The following MSL2 variants were observed in gnomAD, a reference collection of about 807,000 sequenced individuals.
MSL2 encodes the protein MSL complex subunit 2.
MSL2 carries 2 observed loss-of-function variants against 35.8 expected under a neutral mutation model. That is an observed-to-expected ratio of 0.06 (90% CI 0.02 to 0.18). MSL2 has a LOEUF of 0.18. Ranked by LOEUF, MSL2 falls within the 10% of genes least tolerant of loss-of-function variation. The pLI is 1.00. For missense variants in MSL2, 523 were observed against 706.7 expected (o/e 0.74, Z 2.95); for synonymous variants, 296 against 255.7 (o/e 1.16, Z -1.50).
chr3:136,160,776 A>G (rs1270578453), intron 1 of MSL2, among the ~76,000 whole-genome samples: 3 of 152,096 alleles, frequency 2.0e-5, no homozygotes, highest in Admixed American at 2.0e-4. Context: ...ATCTGAATAA[A>G]CATTTCACCA....
chr3:136,177,512 A>C (rs1452494288), intron 1 of MSL2, among the ~76,000 whole-genome samples: 2 of 151,754 alleles, frequency 1.3e-5, no homozygotes, highest in African/African-American at 2.4e-5. Flanking sequence ...ATCTCAACTA[A>C]AAATACAAAA....
rs1181516080 is a variant in MSL2, at chr3:136,195,612, G to A, written c.-499C>T. 9.2e-6 allele frequency: 9 copies of A among 980,600 alleles called. No individual in the cohort carries two copies. Among genetic ancestry groups the A allele is most frequent in the Non-Finnish European group, 1.1e-5 (9 of 825,342 alleles). 60.7% of individuals were successfully genotyped at this position (980,600 alleles called of 1,614,324 possible). A position where few individuals can be genotyped will look rare whatever the true frequency, so the allele number is the denominator to read the frequency against. Reference sequence around the variant, plus strand: ...CCCAGTACAGGGCGCGGAGGCGGCGGCGACGGCAAGGACGACGGTCGGGCA... The same window carrying A: ...CCCAGTACAGGGCGCGGAGGCGGCGACGACGGCAAGGACGACGGTCGGGCA... On this transcript the variant is annotated 5_prime_UTR_variant, in exon 1 of 2. Transcript: ENST00000309993.
At chr3:136,153,883 G>A (rs1278018729) in intron 1 of MSL2, among the ~76,000 whole-genome samples, 1 of 151,868 alleles carries the variant, frequency 6.6e-6, no homozygotes, top group Non-Finnish European at 1.5e-5. Context: ...AGGACTTTGA[G>A]ACTAGCCTGG....
chr3:136,158,319 T>TAA (rs75588256), intron 1 of MSL2, among the ~76,000 whole-genome samples: 37 of 123,014 alleles, frequency 3.0e-4, no homozygotes, highest in African/African-American at 1.0e-3. Context: ...AAATTAAAAT[T>TAA]AAAAAAAAAA....
chr3:136,156,038 C>T (rs1296383375), intron 1 of MSL2: 1 of 272,834 alleles, frequency 3.7e-6, no homozygotes, highest in African/African-American at 2.2e-5. Flanking sequence ...TCTTACCTCT[C>T]TGCCCTGCCC....
chr3:136,189,914 G>C (rs929063223), intron 1 of MSL2, among the ~76,000 whole-genome samples: 1 of 151,892 alleles, frequency 6.6e-6, no homozygotes, highest in African/African-American at 2.4e-5. Flanking sequence ...ATGTTAATTG[G>C]TAAGTTTTCT....
Position 136,188,051 on chromosome 3 carries a change from G to T in MSL2, c.142+6921C>A, listed in dbSNP as rs1007929775. 1.2e-4 allele frequency among the ~76,000 whole-genome samples: 19 copies of T among 152,226 alleles called. No homozygotes were observed. In the South Asian group the frequency reaches 3.3e-3, roughly 27 times the overall value. Reference sequence around the variant, plus strand: ...CCCTGAATAACCACTATAGGGCAAGGGCTCTCCTACAAGAGCTCTTCATTC... The same window carrying T: ...CCCTGAATAACCACTATAGGGCAAGTGCTCTCCTACAAGAGCTCTTCATTC... On this transcript the variant is annotated intron_variant, in intron 1 of 1. Coordinates refer to ENST00000309993, the MANE Select transcript of MSL2 (RefSeq NM_018133.4).
intron 1 of MSL2, among the ~76,000 whole-genome samples, chr3:136,189,543 T>A (rs186989904): frequency 1.3e-4 from 20 of 149,312 alleles, no homozygotes; most frequent in Non-Finnish European, 2.5e-4. Flanking sequence ...GCTAACACAG[T>A]GAAACCCCTT....
At chr3:136,191,401 G>A (rs963427511) in intron 1 of MSL2, among the ~76,000 whole-genome samples, 1 of 150,500 alleles carries the variant, frequency 6.6e-6, no homozygotes, top group African/African-American at 2.4e-5. Flanking sequence ...CCAGGAGGTA[G>A]AGGTTGCAGT....
At chr3:136,158,068 T>G (rs1304470530) in intron 1 of MSL2, among the ~76,000 whole-genome samples, 1 of 152,046 alleles carries the variant, frequency 6.6e-6, no homozygotes, top group Non-Finnish European at 1.5e-5. Context: ...TCCCAACACT[T>G]TGGGAGGCCA....
rs202110886 is a variant in MSL2 at position 136,151,426 on chromosome 3, A to C, written c.1455T>G (p.Ser485=). The C allele has an allele frequency of 3.7e-4, 592 of 1,614,086 alleles. No individual in the cohort carries two copies. The highest frequency in any genetic ancestry group is 1.2e-3 in the Middle Eastern group (7 of 6,084). ...TACAATCTAAGCAGGCTTTGCGGTTAGAGTAGCAAGGGCAGCGTTGGCCTC... is the reference window on the plus strand; with the variant it reads ...TACAATCTAAGCAGGCTTTGCGGTTCGAGTAGCAAGGGCAGCGTTGGCCTC... ...TCRGQRCPCY[S]NRKACLDCIC... Residue 485 remains serine, a synonymous_variant, in exon 2 of 2, where the codon TCT becomes TCG. Coordinates refer to ENST00000309993, the MANE Select transcript of MSL2 (RefSeq NM_018133.4). This position sits in a 1 kb window ranked among gnomAD's most constrained non-coding sequence, Gnocchi z 5.2.
intron 1 of MSL2, among the ~76,000 whole-genome samples, chr3:136,175,339 G>A (rs897820906): frequency 5.9e-5 from 8 of 136,430 alleles, no homozygotes; most frequent in African/African-American, 1.7e-4. Context: ...GCAAGACTCC[G>A]TCTCAAAAAA....
chr3:136,173,217 A>G (rs1940078222), intron 1 of MSL2, among the ~76,000 whole-genome samples: 1 of 152,146 alleles, frequency 6.6e-6, no homozygotes, highest in Admixed American at 6.5e-5. Context: ...TTCTAGAGTG[A>G]TTGCCCATAA....
intron 1 of MSL2, among the ~76,000 whole-genome samples, chr3:136,182,265 T>C (rs1350545705): frequency 3.9e-5 from 6 of 152,186 alleles, no homozygotes; most frequent in Non-Finnish European, 7.3e-5. Context: ...TTAGACGAAA[T>C]TTAAATTGTC....
Position 136,183,504 on chromosome 3 carries a change from C to T in MSL2, c.142+11468G>A, listed in dbSNP as rs192742908. 3.5e-3 allele frequency among the ~76,000 whole-genome samples: 533 copies of T among 152,276 alleles called. 7 individuals are homozygous for T. The East Asian group carries it at 0.047, about 14-fold the overall frequency. ...GTGGCACGACCTCGATCACTGCAAC[C>T]TCTGCCTCCTGGGCTCAAGCAATCC... On this transcript the variant is annotated intron_variant, in intron 1 of 1. Transcript: ENST00000309993.
At chr3:136,194,887 C>G in intron 1 of MSL2, 85 bp downstream of exon 1, 1 of 1,579,442 alleles carries the variant, frequency 6.3e-7, no homozygotes, top group Non-Finnish European at 8.6e-7. Context: ...TACCAACCAC[C>G]AGGCCGTCAA....
At chr3:136,185,686 A>T (rs1940501074) in intron 1 of MSL2, among the ~76,000 whole-genome samples, 1 of 151,926 alleles carries the variant, frequency 6.6e-6, no homozygotes, top group Non-Finnish European at 1.5e-5. Context: ...TTGTATTTTT[A>T]GTAGAGACAG....
rs554018170 is a variant in MSL2, at chr3:136,195,008, G to A, written c.106C>T (p.Pro36Ser). The A allele has an allele frequency of 6.2e-7, 1 of 1,613,936 alleles. No homozygotes were observed. Among genetic ancestry groups the A allele is most frequent in the South Asian group, 1.1e-5 (1 of 91,062 alleles). Residue 36 changes from proline (P) to serine (S), a missense_variant, in exon 1 of 2, where the codon CCT becomes TCT. By Grantham distance (74) the Pro-to-Ser change is moderately conservative (BLOSUM62 -1). Coordinates refer to ENST00000309993, the MANE Select transcript of MSL2 (RefSeq NM_018133.4). ...CACGAAAGGGACTGTCGGAAGTAAG[G>A]CAAGAGCCTGTTAATCTCAGTAAAC... ...KAFTEINRLL[P>S]YFRQSLSCCV... is the part of the protein sequence containing the mutation.
rs771623845 is a variant in MSL2 at position 136,151,745 on chromosome 3, T to G, written c.1136A>C (p.Lys379Thr). 1 of 1,614,182 alleles carries G rather than the reference T, an allele frequency of 6.2e-7. No individual in the cohort carries two copies. Among genetic ancestry groups the G allele is most frequent in the Non-Finnish European group, 8.5e-7 (1 of 1,180,032 alleles). ...AGTTGCTATAGGTTGAAGAGAAATTTTGCTCTCCCGTTTCACTGTCACAGG... is the reference window on the plus strand; with the variant it reads ...AGTTGCTATAGGTTGAAGAGAAATTGTGCTCTCCCGTTTCACTGTCACAGG... ...SAPVTVKRESKISLQPIATVP... is the reference protein window; with the variant it reads ...SAPVTVKRESTISLQPIATVP... The change falls in exon 2 of 2, where the codon AAA becomes ACA. Residue 379 changes from lysine (K) to threonine (T), a missense_variant. By Grantham distance (78) the Lys-to-Thr change is moderately conservative. Around this residue, in one of 5 missense-constraint regions of MSL2, gnomAD observed 361 missense variants for 414.6 expected, o/e 0.87. Transcript: ENST00000309993. The surrounding 1 kb of genome is among the most constrained non-coding windows in gnomAD (Gnocchi z 5.2).
Sources: gnomAD v4.1 joint callset for allele counts (sites outside exome capture counted in the v4.1 genomes callset) on GRCh38, gnomAD v4.1.1 for gene constraint, gnomAD v4.1.1 regional missense constraint, Gnocchi (gnomAD v3.1) non-coding constraint, MANE v1.5 for transcripts, NCBI Gene and HGNC (gene_info 2026-07-23, HGNC 2026-07-21) for gene names.